The following SRGAP1 variants were observed in gnomAD, a reference collection of about 807,000 sequenced individuals.
The protein encoded by SRGAP1 is SLIT-ROBO Rho GTPase activating protein 1.
A neutral mutation model predicts 121.9 loss-of-function variants in SRGAP1; 43 were observed. The observed-to-expected ratio is 0.35, with a 90% CI of 0.28 to 0.46. The LOEUF (loss-of-function observed/expected upper bound fraction) is 0.46, where lower values mean the gene tolerates loss of function less well. Among genes scored for constraint, SRGAP1 ranks in the 20% least tolerant of loss-of-function variants. SRGAP1 has a pLI of 1.00. For missense variants in SRGAP1, 1,102 were observed against 1,350.9 expected, an observed-to-expected ratio of 0.82 and a Z score of 2.89; for synonymous variants, 447 against 485.4, an observed-to-expected ratio of 0.92 and a Z score of 1.04.
rs988057111 is a variant in SRGAP1 at position 64,155,387 on chromosome 12, C to T, written c.*12715C>T. The T allele has an allele frequency of 2.6e-5, 4 of 151,246 alleles. No individual in the cohort carries two copies. The South Asian group carries it at 8.4e-4, about 32-fold the overall frequency. 9.4% of individuals were successfully genotyped at this position (151,246 alleles called of 1,614,324 possible). A position where few individuals can be genotyped will look rare whatever the true frequency, so the allele number is the denominator to read the frequency against. On this transcript the variant is annotated 3_prime_UTR_variant, in exon 22 of 22. Coordinates refer to ENST00000355086, the MANE Select transcript of SRGAP1 (RefSeq NM_020762.4). ...CGAAACCCCATCTCTACTAAAAATACAAAAAAATTAGCCGGGTGTGGTGGC... is the reference window on the plus strand; with the variant it reads ...CGAAACCCCATCTCTACTAAAAATATAAAAAAATTAGCCGGGTGTGGTGGC...
chr12:64,135,381 C>A (rs1180118488), intron 21 of SRGAP1, among the ~76,000 whole-genome samples: 7 of 152,194 alleles, frequency 4.6e-5, no homozygotes, highest in Admixed American at 4.6e-4. Context: ...ATAAGACTCA[C>A]ACTCAGGGCA....
intron 1 of SRGAP1, among the ~76,000 whole-genome samples, chr12:63,928,803 T>C (rs543322389): frequency 6.6e-6 from 1 of 152,298 alleles, no homozygotes; most frequent in African/African-American, 2.4e-5. Flanking sequence ...TGACAGGAGA[T>C]GAGGACAGAT....
chr12:64,119,770 CTTT>C (rs997729181), intron 18 of SRGAP1, among the ~76,000 whole-genome samples: 1 of 107,450 alleles, frequency 9.3e-6, no homozygotes, highest in Non-Finnish European at 2.0e-5. Flanking sequence ...TTATTTGTTT[CTTT>C]TTTTTTTTTT....
At chr12:63,991,679 A>G (rs1314464689) in intron 3 of SRGAP1, among the ~76,000 whole-genome samples, 1 of 152,184 alleles carries the variant, frequency 6.6e-6, no homozygotes, top group Non-Finnish European at 1.5e-5. Flanking sequence ...GGAGACTACG[A>G]TGACAGGTGC....
chr12:64,131,833 C>T (rs774726828), intron 21 of SRGAP1, among the ~76,000 whole-genome samples: 8 of 152,292 alleles, frequency 5.3e-5, no homozygotes, highest in East Asian at 1.9e-4. Context: ...CATGGTCAAA[C>T]GTTCAGTTTC....
intron 1 of SRGAP1, among the ~76,000 whole-genome samples, chr12:63,877,963 T>C (rs1900081830): frequency 1.3e-5 from 2 of 152,236 alleles, no homozygotes; most frequent in African/African-American, 2.4e-5. Flanking sequence ...CTCTATGCTG[T>C]GGGTTACTTA....
Position 64,154,561 on chromosome 12 carries a change from G to A in SRGAP1, c.*11889G>A, listed in dbSNP as rs781219113. 6.6e-6 allele frequency: 1 copy of A among 152,162 alleles called. No individual in the cohort carries two copies. Among genetic ancestry groups the A allele is most frequent in the Non-Finnish European group, 1.5e-5 (1 of 68,032 alleles). The allele number at this position is 152,162 out of a possible 1,614,324, so 9.4% of individuals were successfully genotyped here. A position where few individuals can be genotyped will look rare whatever the true frequency, so the allele number is the denominator to read the frequency against. ...GAATCAAGAGTGGCTCCTAGTATTT[G>A]TTTGAGCAAATGGGTGGAATATATT... On this transcript the variant is annotated 3_prime_UTR_variant, in exon 22 of 22. Transcript: ENST00000355086.
rs1354292284 is a variant in SRGAP1, at chr12:64,148,482, A to G, written c.*5810A>G. ...TTTTTAGTGGAAACGGGGTTTCACC[A>G]TGTTGGCCAGGCTGGTCTCAAACTC... On this transcript the variant is annotated 3_prime_UTR_variant, in exon 22 of 22. Coordinates refer to ENST00000355086, the MANE Select transcript of SRGAP1 (RefSeq NM_020762.4). The G allele has an allele frequency of 3.3e-5, 5 of 151,912 alleles. No individual in the cohort carries two copies. The highest frequency in any genetic ancestry group is 2.0e-4 in the Admixed American group (3 of 15,260). 9.4% of individuals were successfully genotyped at this position (151,912 alleles called of 1,614,324 possible).
chr12:63,963,787 TA>T (rs3067618), intron 1 of SRGAP1, among the ~76,000 whole-genome samples: 12,439 of 151,428 alleles, frequency 0.082, 1,319 homozygotes, highest in African/African-American at 0.25. Flanking sequence ...ATTTTAGAAG[TA>T]AAAAAAAATG....
rs1359961772 is a variant in SRGAP1, at chr12:64,156,606, A to G, written c.*13934A>G. On this transcript the variant is annotated 3_prime_UTR_variant, in exon 22 of 22. Coordinates refer to ENST00000355086, the MANE Select transcript of SRGAP1 (RefSeq NM_020762.4). ...GGCAAAGCTAAAAGGAAATGATAAAATAAATGAATATTTATAGAAGTTAAA... is the reference window on the plus strand; with the variant it reads ...GGCAAAGCTAAAAGGAAATGATAAAGTAAATGAATATTTATAGAAGTTAAA... The G allele has an allele frequency of 6.6e-6, 1 of 152,246 alleles. No individual in the cohort carries two copies. The highest frequency in any genetic ancestry group is 2.4e-5 in the African/African-American group (1 of 41,456). The allele number at this position is 152,246 out of a possible 1,614,324, so 9.4% of individuals were successfully genotyped here.
At chr12:63,877,718 C>T (rs1900073583) in intron 1 of SRGAP1, among the ~76,000 whole-genome samples, 1 of 152,206 alleles carries the variant, frequency 6.6e-6, no homozygotes, top group African/African-American at 2.4e-5. Flanking sequence ...ACTGGCAACA[C>T]TAGAGAGGTT....
At chr12:64,109,884 A>G (rs1382429772) in intron 16 of SRGAP1, among the ~76,000 whole-genome samples, 1 of 152,198 alleles carries the variant, frequency 6.6e-6, no homozygotes, top group East Asian at 1.9e-4. Context: ...CCCGCTGACT[A>G]GTCCTGAAAT....
chr12:63,845,740 A>T (rs1000255232), intron 1 of SRGAP1, among the ~76,000 whole-genome samples: 10 of 152,076 alleles, frequency 6.6e-5, no homozygotes, highest in Admixed American at 1.3e-4. Flanking sequence ...TGTTACTTGA[A>T]TTTTTTCCTC....
chr12:64,070,691 T>C (rs1297900092), intron 8 of SRGAP1, among the ~76,000 whole-genome samples: 1 of 152,196 alleles, frequency 6.6e-6, no homozygotes, highest in Non-Finnish European at 1.5e-5. Flanking sequence ...TAAAAATACA[T>C]TACTTACACA....
At chr12:63,850,363 T>C (rs975930978) in intron 1 of SRGAP1, among the ~76,000 whole-genome samples, 3 of 152,202 alleles carry the variant, frequency 2.0e-5, no homozygotes, top group Non-Finnish European at 2.9e-5. Context: ...CTGTGCTATG[T>C]TGACCAGTTT....
chr12:64,035,384 G>A (rs1204435691), intron 4 of SRGAP1, among the ~76,000 whole-genome samples: 2 of 152,216 alleles, frequency 1.3e-5, no homozygotes, highest in Non-Finnish European at 2.9e-5. Context: ...TGCAGTAAGA[G>A]TAGGCTGGCC....
At chr12:64,043,209 G>C (rs2035058658) in intron 5 of SRGAP1, among the ~76,000 whole-genome samples, 1 of 152,222 alleles carries the variant, frequency 6.6e-6, no homozygotes, top group Admixed American at 6.5e-5. Context: ...TATTAACAAG[G>C]AGATTTCATT....
intron 17 of SRGAP1, among the ~76,000 whole-genome samples, chr12:64,113,236 C>T (rs1252037369): frequency 2.6e-5 from 4 of 151,880 alleles, no homozygotes; most frequent in Admixed American, 2.0e-4. Context: ...GGTGAAACCC[C>T]GTCTCTACTA....
chr12:63,872,147 G>A (rs7966445), intron 1 of SRGAP1: 273,236 of 423,308 alleles, frequency 0.65, 91,348 homozygotes, highest in African/African-American at 0.92. Flanking sequence ...TTCTTTAAAT[G>A]GAACATTTCG....
Sources: gnomAD v4.1 joint callset for allele counts (sites outside exome capture counted in the v4.1 genomes callset) on GRCh38, gnomAD v4.1.1 for gene constraint, MANE v1.5 for transcripts, NCBI Gene and HGNC (gene_info 2026-07-23, HGNC 2026-07-21) for gene names.